Variants in GALNT13 observed in about 807,000 individuals in gnomAD.
GALNT13 encodes UDP-GalNAc:polypeptide N-acetylgalactosaminyltransferase 13.
Under a neutral mutation model 64.2 loss-of-function variants are expected in GALNT13, and 28 were observed. The observed-to-expected ratio is 0.44, with a 90% CI of 0.32 to 0.60. The LOEUF (loss-of-function observed/expected upper bound fraction) is 0.60, where lower values mean the gene tolerates loss of function less well. Among genes scored for constraint, GALNT13 ranks in the 20% least tolerant of loss-of-function variants. The probability of loss-of-function intolerance (pLI) is 0.05; values close to 1 mark genes in which losing one functional copy is unlikely to be tolerated. For synonymous variants in GALNT13, 214 were observed against 224.6 expected (o/e 0.95, Z 0.42); for missense variants, 577 against 669.8 (o/e 0.86, Z 1.53).
At chr2:153,756,734 C>T in the GALNT13 span, among the ~76,000 whole-genome samples, 1 of 152,044 alleles carries the variant, frequency 6.6e-6, no homozygotes, top group African/African-American at 2.4e-5. Flanking sequence ...ACTTTCCATT[C>T]CAAACTAGTA....
intron 4 of GALNT13, among the ~76,000 whole-genome samples, chr2:154,209,919 TC>T (rs1423031656): frequency 6.6e-6 from 1 of 152,192 alleles, no homozygotes; most frequent in Non-Finnish European, 1.5e-5. Context: ...TTAACTATAG[TC>T]ACCATGCTGT....
chr2:153,724,899 C>G, the GALNT13 span, among the ~76,000 whole-genome samples: 13 of 151,344 alleles, frequency 8.6e-5, no homozygotes, highest in South Asian at 2.1e-4. Context: ...TCAGTGTGGC[C>G]ATTCCTCAGG....
At chr2:153,902,286 T>TG (rs34588822) in intron 2 of GALNT13, among the ~76,000 whole-genome samples, 70,288 of 151,758 alleles carry the variant, frequency 0.46, 17,187 homozygotes, top group East Asian at 0.94. Context: ...GGGATGAGAA[T>TG]AAGAGATGAA....
chr2:153,252,189 T>A, the GALNT13 span, among the ~76,000 whole-genome samples: 3 of 147,684 alleles, frequency 2.0e-5, no homozygotes, highest in Non-Finnish European at 3.0e-5. Flanking sequence ...GGTATCTCAT[T>A]GTGGTTTTGA....
the GALNT13 span, among the ~76,000 whole-genome samples, chr2:153,589,316 C>T: frequency 6.6e-6 from 1 of 152,170 alleles, no homozygotes; most frequent in Admixed American, 6.5e-5. Flanking sequence ...TCTGAGACCA[C>T]CTCATCCTGG....
At chr2:153,596,003 G>C in the GALNT13 span, among the ~76,000 whole-genome samples, 1 of 152,164 alleles carries the variant, frequency 6.6e-6, no homozygotes, top group Non-Finnish European at 1.5e-5. Flanking sequence ...CTTCACCCAG[G>C]TAAGATTAGT....
At chr2:153,703,553 A>G in the GALNT13 span, among the ~76,000 whole-genome samples, 1 of 151,520 alleles carries the variant, frequency 6.6e-6, no homozygotes, top group African/African-American at 2.4e-5. Context: ...TTCCTTTCTT[A>G]GTACTTCCAA....
the GALNT13 span, among the ~76,000 whole-genome samples, chr2:153,131,276 T>A: frequency 3.9e-5 from 6 of 152,182 alleles, no homozygotes; most frequent in Admixed American, 2.6e-4. Flanking sequence ...ACAAGATACA[T>A]TTTAAGCCTG....
chr2:154,262,109 G>A (rs545578182), intron 8 of GALNT13, among the ~76,000 whole-genome samples: 6 of 152,128 alleles, frequency 3.9e-5, no homozygotes, highest in South Asian at 2.1e-4. Flanking sequence ...ATTTAAATAC[G>A]GTTTCAAAGT....
the GALNT13 span, among the ~76,000 whole-genome samples, chr2:153,816,266 C>G: frequency 6.6e-6 from 1 of 152,030 alleles, no homozygotes; most frequent in Non-Finnish European, 1.5e-5. Context: ...ATATCTGACT[C>G]CTGGGCAGGA....
At chr2:154,403,875 T>C (rs1699410356) in intron 10 of GALNT13, among the ~76,000 whole-genome samples, 1 of 152,192 alleles carries the variant, frequency 6.6e-6, no homozygotes, top group Admixed American at 6.5e-5. Flanking sequence ...ATTCCCAGAC[T>C]CCATAGAATA....
the GALNT13 span, among the ~76,000 whole-genome samples, chr2:153,666,414 G>T: frequency 1.3e-5 from 2 of 152,078 alleles, no homozygotes; most frequent in African/African-American, 4.8e-5. Flanking sequence ...GCATAAGAGT[G>T]GACCCAGTGC....
the GALNT13 span, among the ~76,000 whole-genome samples, chr2:153,258,974 C>T: frequency 6.6e-6 from 1 of 152,284 alleles, no homozygotes; most frequent in South Asian, 2.1e-4. Context: ...GTTTGGTCTA[C>T]AGTGCTGATA....
At chr2:154,306,460 C>T (rs1307908255) in intron 9 of GALNT13, among the ~76,000 whole-genome samples, 1 of 152,012 alleles carries the variant, frequency 6.6e-6, no homozygotes, top group Non-Finnish European at 1.5e-5. Flanking sequence ...TCTCCTTGCC[C>T]ACTGCCCAGA....
At chr2:153,538,348 TTTTA>T in the GALNT13 span, among the ~76,000 whole-genome samples, 94 of 136,206 alleles carry the variant, frequency 6.9e-4, no homozygotes, top group African/African-American at 2.2e-3. Flanking sequence ...TTTTTTACTT[TTTTA>T]TTTATTTTTA....
At chr2:153,930,337 A>C (rs535784831) in intron 2 of GALNT13, among the ~76,000 whole-genome samples, 15 of 152,182 alleles carry the variant, frequency 9.9e-5, no homozygotes, top group African/African-American at 3.6e-4. Context: ...AATTTAATTA[A>C]GTCCCACTTG....
the GALNT13 span, among the ~76,000 whole-genome samples, chr2:153,351,733 C>G: frequency 6.6e-6 from 1 of 152,152 alleles, no homozygotes; most frequent in African/African-American, 2.4e-5. Flanking sequence ...TTCACATTGG[C>G]CTTGTTCACT....
chr2:154,435,373 G>A (rs888330692), intron 11 of GALNT13, among the ~76,000 whole-genome samples: 1 of 152,164 alleles, frequency 6.6e-6, no homozygotes, highest in Non-Finnish European at 1.5e-5. Context: ...AGGCATAAAG[G>A]TTTCAACCAC....
the GALNT13 span, among the ~76,000 whole-genome samples, chr2:153,410,250 AT>A: frequency 1.3e-4 from 19 of 147,154 alleles, no homozygotes; most frequent in Non-Finnish European, 1.9e-4. Flanking sequence ...ACACTCAGCT[AT>A]TTTTTTAGGG....
Sources: allele counts gnomAD v4.1 joint callset (sites outside exome capture counted in the v4.1 genomes callset), GRCh38; gene constraint gnomAD v4.1.1; transcripts MANE v1.5; gene names NCBI Gene and HGNC (gene_info 2026-07-23, HGNC 2026-07-21).